Variants in CNTNAP2 observed in about 807,000 individuals in gnomAD.
CNTNAP2 encodes the protein contactin-associated protein-like 2.
A neutral mutation model predicts 155.2 loss-of-function variants in CNTNAP2; 98 were observed. That is an observed-to-expected ratio of 0.63 (90% confidence interval 0.54 to 0.75). CNTNAP2 has a LOEUF of 0.75. Among genes scored for constraint, CNTNAP2 ranks in the 30% least tolerant of loss-of-function variants. The pLI is 0.00. For synonymous variants in CNTNAP2, 651 were observed against 631.2 expected, an observed-to-expected ratio of 1.03 and a Z score of -0.47; for missense variants, 1,727 against 1,688.1, an observed-to-expected ratio of 1.02 and a Z score of -0.40.
At chr7:147,036,505 A>G (rs1015125822) in intron 3 of CNTNAP2, among the ~76,000 whole-genome samples, 4 of 152,184 alleles carry the variant, frequency 2.6e-5, no homozygotes, top group African/African-American at 7.2e-5. Context: ...ATTGATTTTA[A>G]CTTTCCTTAA....
At chr7:146,865,969 T>A (rs989322767) in intron 3 of CNTNAP2, among the ~76,000 whole-genome samples, 1 of 152,160 alleles carries the variant, frequency 6.6e-6, no homozygotes, top group Non-Finnish European at 1.5e-5. Flanking sequence ...TCTCAGAAGA[T>A]CTAAATGAAT....
At chr7:148,201,207 G>T (rs1290494029) in intron 18 of CNTNAP2, among the ~76,000 whole-genome samples, 1 of 152,164 alleles carries the variant, frequency 6.6e-6, no homozygotes, top group African/African-American at 2.4e-5. Context: ...TCAGAATTGT[G>T]GTTGCCACGT....
chr7:148,138,120 G>C (rs1804996386), intron 16 of CNTNAP2, among the ~76,000 whole-genome samples: 1 of 152,162 alleles, frequency 6.6e-6, no homozygotes, highest in African/African-American at 2.4e-5. Flanking sequence ...CGTCCCCTTG[G>C]CTGCTTTCCT....
At chr7:146,286,020 G>C (rs1800330634) in intron 1 of CNTNAP2, among the ~76,000 whole-genome samples, 1 of 105,020 alleles carries the variant, frequency 9.5e-6, no homozygotes, top group African/African-American at 4.0e-5. Context: ...GTGTGTGTGT[G>C]TGTCTCTGCC....
chr7:146,937,369 TAAAA>T (rs1563011259), intron 3 of CNTNAP2, among the ~76,000 whole-genome samples: 1 of 145,518 alleles, frequency 6.9e-6, no homozygotes, highest in African/African-American at 2.6e-5. Flanking sequence ...AAAATAAAAA[TAAAA>T]TAAAATAAAA....
intron 21 of CNTNAP2, among the ~76,000 whole-genome samples, chr7:148,296,569 T>G (rs1174462091): frequency 1.9e-5 from 1 of 53,156 alleles, no homozygotes; most frequent in African/African-American, 6.2e-5. Flanking sequence ...AAAAAAAAAA[T>G]TATCCCGTGA....
chr7:147,607,031 C>G (rs948570351), intron 12 of CNTNAP2, among the ~76,000 whole-genome samples: 9 of 152,026 alleles, frequency 5.9e-5, no homozygotes, highest in African/African-American at 2.2e-4. Flanking sequence ...GTTAACTGTG[C>G]TATCTTCAAG....
intron 3 of CNTNAP2, among the ~76,000 whole-genome samples, chr7:147,041,612 C>T (rs537733172): frequency 9.2e-5 from 14 of 152,256 alleles, no homozygotes; most frequent in African/African-American, 3.1e-4. Flanking sequence ...CTCCAAATAT[C>T]GGTAAAATTA....
intron 15 of CNTNAP2, among the ~76,000 whole-genome samples, chr7:148,111,304 A>G (rs998537460): frequency 1.8e-4 from 28 of 152,230 alleles, no homozygotes; most frequent in Admixed American, 1.5e-3. Flanking sequence ...AACTTTTGAT[A>G]ATTAAATTAA....
chr7:148,047,593 G>GA (rs1202004354), intron 15 of CNTNAP2, among the ~76,000 whole-genome samples: 3 of 152,174 alleles, frequency 2.0e-5, no homozygotes, highest in Admixed American at 2.0e-4. Flanking sequence ...AATAGGCTGT[G>GA]AAAAAGACAT....
chr7:147,245,224 G>A (rs1416870852), intron 8 of CNTNAP2, among the ~76,000 whole-genome samples: 2 of 151,974 alleles, frequency 1.3e-5, no homozygotes, highest in East Asian at 3.9e-4. Flanking sequence ...TTTTAATCAT[G>A]CCATTAAATG....
intron 1 of CNTNAP2, among the ~76,000 whole-genome samples, chr7:146,359,089 C>G (rs1437119486): frequency 6.6e-6 from 1 of 152,160 alleles, no homozygotes; most frequent in Admixed American, 6.5e-5. Context: ...TTTGATTATA[C>G]TACATGAGAA....
At chr7:147,975,049 C>CGTATAATACAATTTTTTGTATTAT (rs1255156511) in intron 14 of CNTNAP2, among the ~76,000 whole-genome samples, 34 of 150,624 alleles carry the variant, frequency 2.3e-4, no homozygotes, top group South Asian at 6.3e-4. Flanking sequence ...TTTTGTATTA[C>CGTATAATACAATTTTTTGTATTAT]GTATAATACA....
At chr7:146,707,215 GA>G (rs1302837442) in intron 1 of CNTNAP2, among the ~76,000 whole-genome samples, 1 of 152,084 alleles carries the variant, frequency 6.6e-6, no homozygotes, top group Non-Finnish European at 1.5e-5. Context: ...GTGTGTGCCT[GA>G]AGTCTTTGGA....
chr7:148,017,129 T>C lies in CNTNAP2; in HGVS notation c.2383+39140T>C, dbSNP rs1337444557. On this transcript the variant is annotated intron_variant, in intron 15 of 23. Transcript: ENST00000361727. ...TAGCTCAGCAGCAGTCCTGCCCGGA[T>C]CTCAGCACCTGAGCTTCTCATCTGC... Among the ~76,000 whole-genome samples, 8 of 152,202 alleles carry C rather than the reference T, an allele frequency of 5.3e-5. No homozygotes were observed. In the East Asian group the frequency reaches 1.5e-3, roughly 29 times the overall value.
At chr7:148,317,656 C>T (rs1797714221) in intron 21 of CNTNAP2, among the ~76,000 whole-genome samples, 1 of 152,186 alleles carries the variant, frequency 6.6e-6, no homozygotes, top group Non-Finnish European at 1.5e-5. Context: ...GAGTTCACAG[C>T]ACAAGTTTGC....
At chr7:147,908,781 T>G (rs1800011490) in intron 14 of CNTNAP2, among the ~76,000 whole-genome samples, 1 of 152,198 alleles carries the variant, frequency 6.6e-6, no homozygotes, top group African/African-American at 2.4e-5. Context: ...TTTAGATGCT[T>G]TGTCCAGTTA....
At chr7:147,427,253 A>G (rs987195807) in intron 10 of CNTNAP2, among the ~76,000 whole-genome samples, 1 of 152,114 alleles carries the variant, frequency 6.6e-6, no homozygotes, top group Non-Finnish European at 1.5e-5. Context: ...CCCAAAAGTC[A>G]CACTTCTTAA....
At chr7:147,318,894 G>A (rs761894488) in intron 9 of CNTNAP2, among the ~76,000 whole-genome samples, 1 of 151,910 alleles carries the variant, frequency 6.6e-6, no homozygotes, top group African/African-American at 2.4e-5. Flanking sequence ...CTTTAGAAAA[G>A]CATGTCTTTA....
Sources: allele counts gnomAD v4.1 joint callset (sites outside exome capture counted in the v4.1 genomes callset), GRCh38; gene constraint gnomAD v4.1.1; transcripts MANE v1.5; gene names NCBI Gene and HGNC (gene_info 2026-07-23, HGNC 2026-07-21).